Variants in SLC6A11 observed in about 807,000 individuals in gnomAD.
SLC6A11 encodes the protein sodium- and chloride-dependent GABA transporter 3.
A neutral mutation model predicts 74.8 loss-of-function variants in SLC6A11; 25 were observed. That is an observed-to-expected ratio of 0.33 (90% CI 0.24 to 0.47). The LOEUF (loss-of-function observed/expected upper bound fraction) is 0.47. Ranked by LOEUF, SLC6A11 falls within the 20% of genes least tolerant of loss-of-function variation. The pLI is 1.00. For synonymous variants in SLC6A11, 330 were observed against 330.2 expected (o/e 1.00, Z 0.01); for missense variants, 574 against 837.0 (o/e 0.69, Z 3.88).
chr3:10,921,176 T>C (rs1256932238), intron 8 of SLC6A11, among the ~76,000 whole-genome samples: 5 of 152,236 alleles, frequency 3.3e-5, no homozygotes, highest in African/African-American at 4.8e-5. Flanking sequence ...GTCTCTCTGA[T>C]GCTGTTACAC....
rs1211148796 is a variant in SLC6A11, at chr3:10,874,823, T to A, written c.757-138T>A. The A allele has an allele frequency of 5.4e-6, 4 of 736,572 alleles. No individual in the cohort carries two copies. The Admixed American group carries it at 7.8e-5, about 14-fold the overall frequency. The allele number at this position is 736,572 out of a possible 1,614,324, so 45.6% of individuals were successfully genotyped here. ...ATGAATGGATCAAGCAAATGTGGTC[T>A]ATACACGCGGGGGAATGCTGGTCAG... On this transcript the variant is annotated intron_variant, in intron 5 of 13. Transcript: ENST00000254488.
chr3:10,825,429 G>A (rs1026601355), intron 4 of SLC6A11: 12 of 151,970 alleles, frequency 7.9e-5, no homozygotes, highest in African/African-American at 1.9e-4. Context: ...GTTTACATTC[G>A]TTTCTATTTG....
intron 10 of SLC6A11, 134 bp downstream of exon 10, chr3:10,929,473 G>A (rs1486188493): frequency 3.3e-6 from 3 of 921,354 alleles, no homozygotes; most frequent in Non-Finnish European, 5.0e-6. Flanking sequence ...TCCTCCTAGC[G>A]GGTCATGGTG....
At chr3:10,821,925 A>G (rs1575664401) in intron 3 of SLC6A11, among the ~76,000 whole-genome samples, 1 of 152,178 alleles carries the variant, frequency 6.6e-6, no homozygotes, top group South Asian at 2.1e-4. Context: ...AATCTTGCTG[A>G]CAATTTCAGG....
At chr3:10,827,391 A>G (rs1209274360) in intron 4 of SLC6A11, among the ~76,000 whole-genome samples, 1 of 152,222 alleles carries the variant, frequency 6.6e-6, no homozygotes, top group Non-Finnish European at 1.5e-5. Flanking sequence ...AAATTCAGCC[A>G]AAAGTTGATT....
intron 6 of SLC6A11, among the ~76,000 whole-genome samples, chr3:10,893,695 A>C (rs573546737): frequency 6.6e-6 from 1 of 152,210 alleles, no homozygotes; most frequent in African/African-American, 2.4e-5. Flanking sequence ...CTGTGGGACG[A>C]GAGTATTCCT....
intron 6 of SLC6A11, among the ~76,000 whole-genome samples, chr3:10,898,776 C>G (rs1054694696): frequency 2.0e-5 from 3 of 152,210 alleles, no homozygotes; most frequent in Admixed American, 1.3e-4. Context: ...AAAGTCACTT[C>G]CACATTTTTG....
At chr3:10,857,176 G>A (rs11920286) in intron 5 of SLC6A11, among the ~76,000 whole-genome samples, 3,231 of 152,260 alleles carry the variant, frequency 0.021, 95 homozygotes, top group African/African-American at 0.074. Flanking sequence ...GGAGGTTATA[G>A]TGGCCCGGGG....
chr3:10,822,355 G>A (rs1694149700), intron 3 of SLC6A11, among the ~76,000 whole-genome samples: 1 of 152,218 alleles, frequency 6.6e-6, no homozygotes, highest in Non-Finnish European at 1.5e-5. Flanking sequence ...GAGGGACATG[G>A]GTCCCATGGT....
chr3:10,873,995 A>ATGCTATGCTG (rs761320327), intron 5 of SLC6A11, among the ~76,000 whole-genome samples: 1 of 132,626 alleles, frequency 7.5e-6, no homozygotes, highest in African/African-American at 3.5e-5. Flanking sequence ...ACGCTACGCT[A>ATGCTATGCTG]TGCTATGCTA....
intron 5 of SLC6A11, among the ~76,000 whole-genome samples, chr3:10,846,401 G>A (rs561103601): frequency 3.3e-5 from 5 of 152,158 alleles, no homozygotes; most frequent in South Asian, 4.1e-4. Context: ...GGGGCTTGGC[G>A]GGGTGGTGGC....
At chr3:10,920,560 C>A (rs142918038) in intron 8 of SLC6A11, among the ~76,000 whole-genome samples, 1 of 152,110 alleles carries the variant, frequency 6.6e-6, no homozygotes, top group African/African-American at 2.4e-5. Flanking sequence ...CTTGTCAGGC[C>A]GTAAGATAGT....
At position 10,918,605 on chromosome 3, in the gene SLC6A11, T is replaced by C; in HGVS notation, c.1120+152T>C. ...ACCATTCATCCACAATCCAGGATCCTGGGAATTACCTAGGAGGAAAGTCTC... is the reference window on the plus strand; with the variant it reads ...ACCATTCATCCACAATCCAGGATCCCGGGAATTACCTAGGAGGAAAGTCTC... On this transcript the variant is annotated intron_variant, in intron 8 of 13. Coordinates refer to ENST00000254488, the MANE Select transcript of SLC6A11 (RefSeq NM_014229.3). This position sits in a 1 kb window ranked among gnomAD's most constrained non-coding sequence, Gnocchi z 4.5. The C allele has an allele frequency of 1.2e-6, 1 of 825,964 alleles. No homozygotes were observed. Among genetic ancestry groups the C allele is most frequent in the Non-Finnish European group, 1.8e-6 (1 of 563,252 alleles). The allele number at this position is 825,964 out of a possible 1,614,324, so 51.2% of individuals were successfully genotyped here.
intron 6 of SLC6A11, among the ~76,000 whole-genome samples, chr3:10,897,243 T>C (rs1051546003): frequency 6.6e-6 from 1 of 151,916 alleles, no homozygotes; most frequent in African/African-American, 2.4e-5. Flanking sequence ...ATTCTGCCCC[T>C]GGCCCCTCCT....
intron 5 of SLC6A11, among the ~76,000 whole-genome samples, chr3:10,864,995 C>T (rs141541889): frequency 1.5e-3 from 221 of 152,360 alleles, no homozygotes; most frequent in African/African-American, 5.1e-3. Context: ...CAGTGTCCCT[C>T]ACAGCTGAGA....
intron 6 of SLC6A11, among the ~76,000 whole-genome samples, chr3:10,887,470 G>C (rs557929854): frequency 6.6e-6 from 1 of 152,130 alleles, no homozygotes; most frequent in Non-Finnish European, 1.5e-5. Flanking sequence ...TTTTGAGATG[G>C]AGTCTCACTC....
intron 8 of SLC6A11, among the ~76,000 whole-genome samples, chr3:10,919,223 T>G (rs889563732): frequency 9.9e-5 from 15 of 152,054 alleles, no homozygotes; most frequent in Non-Finnish European, 2.1e-4. Context: ...TGCAAAATGG[T>G]GAAAAACTCT....
chr3:10,829,520 C>A (rs765449908), intron 4 of SLC6A11, among the ~76,000 whole-genome samples: 3 of 152,182 alleles, frequency 2.0e-5, no homozygotes, highest in Non-Finnish European at 4.4e-5. Flanking sequence ...TTTGGATTAC[C>A]TGGCCCCACC....
intron 6 of SLC6A11, among the ~76,000 whole-genome samples, chr3:10,879,934 T>C (rs1694954455): frequency 1.3e-5 from 2 of 152,136 alleles, no homozygotes; most frequent in Non-Finnish European, 2.9e-5. Context: ...CATACATACA[T>C]ACACATATAT....
Sources: allele counts gnomAD v4.1 joint callset (sites outside exome capture counted in the v4.1 genomes callset), GRCh38; gene constraint gnomAD v4.1.1; non-coding constraint Gnocchi (gnomAD v3.1); transcripts MANE v1.5; gene names NCBI Gene and HGNC (gene_info 2026-07-23, HGNC 2026-07-21).